The following ME1 variants were observed in gnomAD, a reference collection of about 807,000 sequenced individuals.
ME1 encodes NADP-dependent malic enzyme.
A neutral mutation model predicts 66.4 loss-of-function variants in ME1; 74 were observed. The observed-to-expected ratio is 1.11, with a 90% CI of 0.92 to 1.35. The LOEUF (loss-of-function observed/expected upper bound fraction) is 1.35. Among genes scored for constraint, ME1 ranks in the 40% most tolerant of loss-of-function variants. ME1 has a pLI of 0.00. For missense variants in ME1, 750 were observed against 694.1 expected (o/e 1.08, Z -0.90); for synonymous variants, 251 against 235.6 (o/e 1.07, Z -0.60).
At chr6:83,391,261 A>C (rs866045613) in intron 3 of ME1, among the ~76,000 whole-genome samples, 4 of 152,194 alleles carry the variant, frequency 2.6e-5, no homozygotes, top group Admixed American at 6.5e-5. Flanking sequence ...ATACCAGACT[A>C]CAACAAGTGG....
intron 3 of ME1, among the ~76,000 whole-genome samples, chr6:83,357,350 T>G (rs1180632659): frequency 6.6e-6 from 1 of 152,238 alleles, no homozygotes; most frequent in African/African-American, 2.4e-5. Flanking sequence ...TACTGTTTCT[T>G]CATCCAACTT....
chr6:83,349,815 T>C (rs1263946935), intron 4 of ME1, among the ~76,000 whole-genome samples: 1 of 152,218 alleles, frequency 6.6e-6, no homozygotes, highest in African/African-American at 2.4e-5. Flanking sequence ...TTAATTCCAC[T>C]ATATTCCAAT....
At chr6:83,223,969 A>C (rs1191034093) in intron 11 of ME1, 36 bp from the exon 12 acceptor site, 12 of 1,585,778 alleles carry the variant, frequency 7.6e-6, no homozygotes, top group Non-Finnish European at 1.0e-5. Flanking sequence ...CTTTAAAAAG[A>C]AGCAGAATAT....
chr6:83,344,904 T>C (rs930189710), intron 5 of ME1, among the ~76,000 whole-genome samples: 8 of 151,658 alleles, frequency 5.3e-5, no homozygotes, highest in African/African-American at 1.9e-4. Flanking sequence ...TAAAATAAAA[T>C]AATAATAAAT....
chr6:83,253,039 T>C (rs576714719), intron 7 of ME1, among the ~76,000 whole-genome samples: 2 of 152,304 alleles, frequency 1.3e-5, no homozygotes, highest in Non-Finnish European at 2.9e-5. Flanking sequence ...TCAGCTCATC[T>C]ACCTGTGCTT....
At chr6:83,287,208 GT>G (rs1466442085) in intron 6 of ME1, among the ~76,000 whole-genome samples, 2 of 152,064 alleles carry the variant, frequency 1.3e-5, no homozygotes. Flanking sequence ...AGAACATGCA[GT>G]TTTGTTACAT....
At chr6:83,255,680 C>T (rs1164483106) in intron 6 of ME1, among the ~76,000 whole-genome samples, 1 of 152,064 alleles carries the variant, frequency 6.6e-6, no homozygotes, top group Non-Finnish European at 1.5e-5. Flanking sequence ...GTCCATCCTT[C>T]TCCTCATCAC....
At chr6:83,326,175 T>C (rs1768287069) in intron 5 of ME1, among the ~76,000 whole-genome samples, 2 of 152,136 alleles carry the variant, frequency 1.3e-5, no homozygotes, top group African/African-American at 4.8e-5. Context: ...TAATAAATGG[T>C]GTTGGGAAAA....
chr6:83,216,001 C>A (rs1562448722), intron 13 of ME1, among the ~76,000 whole-genome samples: 1 of 152,134 alleles, frequency 6.6e-6, no homozygotes. Flanking sequence ...CATCTGCCAC[C>A]CAAACAGCTT....
chr6:83,412,197 CT>C (rs559039210), intron 1 of ME1, among the ~76,000 whole-genome samples: 7 of 151,944 alleles, frequency 4.6e-5, no homozygotes, highest in African/African-American at 1.7e-4. Flanking sequence ...CAATGAATGA[CT>C]TTTTTTCCCT....
chr6:83,393,118 A>G (rs1769657444), intron 3 of ME1: 10 of 1,423,550 alleles, frequency 7.0e-6, no homozygotes, highest in Non-Finnish European at 9.8e-6. Context: ...CCCACTGCCA[A>G]CATGTCAGTG....
chr6:83,329,962 C>T (rs1202661232), intron 5 of ME1, among the ~76,000 whole-genome samples: 1 of 152,054 alleles, frequency 6.6e-6, no homozygotes, highest in Non-Finnish European at 1.5e-5. Flanking sequence ...GTAACTAGGA[C>T]TACAGGCACC....
At chr6:83,366,380 C>G (rs1769100904) in intron 3 of ME1, among the ~76,000 whole-genome samples, 1 of 152,126 alleles carries the variant, frequency 6.6e-6, no homozygotes, top group Admixed American at 6.5e-5. Context: ...CTGTCTTTCT[C>G]TACTATGATG....
intron 2 of ME1, among the ~76,000 whole-genome samples, chr6:83,402,279 T>C (rs942138114): frequency 6.6e-6 from 1 of 152,146 alleles, no homozygotes; most frequent in Non-Finnish European, 1.5e-5. Flanking sequence ...GGTGCTGTTT[T>C]TCTCATAGCC....
chr6:83,421,030 G>A (rs1051984479), intron 1 of ME1, among the ~76,000 whole-genome samples: 4 of 151,944 alleles, frequency 2.6e-5, no homozygotes, highest in Admixed American at 1.3e-4. Context: ...AGGGAGGGGG[G>A]GCCCAAAGCC....
At chr6:83,220,886 C>T (rs368015801) in intron 12 of ME1, among the ~76,000 whole-genome samples, 2 of 152,206 alleles carry the variant, frequency 1.3e-5, no homozygotes, top group African/African-American at 4.8e-5. Context: ...ACAGGCCAGG[C>T]GCGGTGGCTC....
At chr6:83,267,597 C>A (rs1583348358) in intron 6 of ME1, among the ~76,000 whole-genome samples, 1 of 152,116 alleles carries the variant, frequency 6.6e-6, no homozygotes, top group Non-Finnish European at 1.5e-5. Flanking sequence ...GATGTATAAA[C>A]TTTGCATTTT....
intron 5 of ME1, among the ~76,000 whole-genome samples, chr6:83,329,083 C>G (rs1211410774): frequency 6.6e-6 from 1 of 152,060 alleles, no homozygotes; most frequent in Non-Finnish European, 1.5e-5. Flanking sequence ...ACATTTCTAT[C>G]TTTACAATCT....
rs150218598 is a variant in ME1 at position 83,317,087 on chromosome 6, A to G, written c.601-1674T>C. Among the ~76,000 whole-genome samples, 716 of 152,318 alleles carry G rather than the reference A, an allele frequency of 4.7e-3. 8 individuals carry two copies. Among genetic ancestry groups the G allele is most frequent in the Non-Finnish European group, 5.4e-3 (370 of 68,014 alleles). On this transcript the variant is annotated intron_variant, in intron 5 of 13. Transcript: ENST00000369705. The stretch of plus-strand genomic sequence containing the variant: ...ACTTGGCTTCTTGTGGCTATATAAT[A>G]AAGTCTAAAACAGAGAAGAGCTAGA...
Sources: allele counts gnomAD v4.1 joint callset (sites outside exome capture counted in the v4.1 genomes callset), GRCh38; gene constraint gnomAD v4.1.1; transcripts MANE v1.5; gene names NCBI Gene and HGNC (gene_info 2026-07-23, HGNC 2026-07-21).